The following EFNA5 variants were observed in gnomAD, a reference collection of about 807,000 sequenced individuals.
EFNA5 encodes ephrin A5.
EFNA5 carries 5 observed loss-of-function variants against 22.9 expected under a neutral mutation model. The observed-to-expected ratio is 0.22, with a 90% CI of 0.11 to 0.46. The LOEUF (loss-of-function observed/expected upper bound fraction) is 0.46. EFNA5 is among the 20% of genes least tolerant of loss of function. EFNA5 has a pLI of 0.99. For synonymous variants in EFNA5, 113 were observed against 112.2 expected (o/e 1.01, Z -0.04); for missense variants, 237 against 293.3 (o/e 0.81, Z 1.40).
chr5:107,570,470 A>G (rs1748777550), intron 1 of EFNA5, among the ~76,000 whole-genome samples: 1 of 152,218 alleles, frequency 6.6e-6, no homozygotes, highest in Admixed American at 6.5e-5. Context: ...CCTTTCATGT[A>G]ATCATCTTAA....
intron 1 of EFNA5, among the ~76,000 whole-genome samples, chr5:107,616,451 T>C (rs1193396800): frequency 6.6e-6 from 1 of 152,206 alleles, no homozygotes; most frequent in African/African-American, 2.4e-5. Flanking sequence ...TTGAAAAATT[T>C]CTGCAGATAA....
At chr5:107,557,744 AAAAT>A (rs1748455384) in intron 1 of EFNA5, among the ~76,000 whole-genome samples, 1 of 152,242 alleles carries the variant, frequency 6.6e-6, no homozygotes, top group South Asian at 2.1e-4. Context: ...CTTTAGAGAC[AAAAT>A]AGCTTGTATA....
intron 1 of EFNA5, among the ~76,000 whole-genome samples, chr5:107,447,074 C>G (rs1030384359): frequency 6.6e-6 from 1 of 152,194 alleles, no homozygotes; most frequent in Non-Finnish European, 1.5e-5. Flanking sequence ...CCCATTAATA[C>G]CTGTCACCCA....
rs111393828 is a variant in EFNA5 at position 107,405,288 on chromosome 5, G to A, written c.419-17517C>T. Among the ~76,000 whole-genome samples, 22 of 152,284 alleles carry A rather than the reference G, an allele frequency of 1.4e-4. 2 individuals carry two copies. The highest frequency in any genetic ancestry group is 3.9e-4 in the East Asian group (2 of 5,178). On this transcript the variant is annotated intron_variant, in intron 2 of 4. Coordinates refer to ENST00000333274, the MANE Select transcript of EFNA5 (RefSeq NM_001962.3). Reference sequence around the variant, plus strand: ...AAACTAGCTGATGATGCTGTGCCACGAGAACCAAAAGGAACATACAAATCA... The same window carrying A: ...AAACTAGCTGATGATGCTGTGCCACAAGAACCAAAAGGAACATACAAATCA...
intron 1 of EFNA5, among the ~76,000 whole-genome samples, chr5:107,461,416 A>G (rs1580466872): frequency 6.6e-6 from 1 of 152,124 alleles, no homozygotes; most frequent in Non-Finnish European, 1.5e-5. Flanking sequence ...TCAAGCCCCA[A>G]ACAGCATCTT....
rs1259679637 is a variant in EFNA5 at position 107,405,894 on chromosome 5, ATGTATT to A, written c.419-18129_419-18124del. On this transcript the variant is annotated intron_variant, in intron 2 of 4. Transcript: ENST00000333274. The stretch of plus-strand genomic sequence containing the variant: ...ATACATATATTTGTATACATATTCT[ATGTATT>A]TATATACATAGAATGTATACAAATA... Among the ~76,000 whole-genome samples, 94 of 148,600 alleles carry A rather than the reference ATGTATT, an allele frequency of 6.3e-4. 3 individuals are homozygous for A. The South Asian group carries it at 0.02, about 31-fold the overall frequency.
intron 1 of EFNA5, among the ~76,000 whole-genome samples, chr5:107,495,280 C>A (rs754869815): frequency 6.6e-6 from 1 of 152,172 alleles, no homozygotes; most frequent in Non-Finnish European, 1.5e-5. Context: ...CCGGGAGGAA[C>A]GAACAACTCC....
intron 1 of EFNA5, among the ~76,000 whole-genome samples, chr5:107,450,798 G>T (rs546608526): frequency 6.6e-6 from 1 of 152,304 alleles, no homozygotes; most frequent in Admixed American, 6.5e-5. Flanking sequence ...AACCAATGAG[G>T]ATATGAGAGT....
intron 1 of EFNA5, among the ~76,000 whole-genome samples, chr5:107,550,595 C>T (rs1748273845): frequency 6.6e-6 from 1 of 152,168 alleles, no homozygotes; most frequent in Non-Finnish European, 1.5e-5. Context: ...CTTAATAAGG[C>T]AGTTATAATT....
chr5:107,490,669 C>T (rs1408911771), intron 1 of EFNA5, among the ~76,000 whole-genome samples: 2 of 152,112 alleles, frequency 1.3e-5, no homozygotes, highest in African/African-American at 4.8e-5. Context: ...GAACATTAAC[C>T]GCTGACTTAT....
chr5:107,660,277 T>TATATATATATATATATAA (rs1750920463), intron 1 of EFNA5, among the ~76,000 whole-genome samples: 1 of 39,538 alleles, frequency 2.5e-5, no homozygotes, highest in Non-Finnish European at 4.9e-5. Flanking sequence ...TATATATATA[T>TATATATATATATATATAA]ATATATATAT....
rs566375666 is a variant in EFNA5, at chr5:107,436,361, A to C, written c.126-8852T>G. 3.9e-5 allele frequency among the ~76,000 whole-genome samples: 6 copies of C among 152,336 alleles called. No homozygotes were observed. The South Asian group carries it at 8.3e-4, about 21-fold the overall frequency. ...ACAGTCTAATTGCTTCTAAGCCCCC[A>C]AAGAGGCCTCGGGCATGGAGTAAGA... On this transcript the variant is annotated intron_variant, in intron 1 of 4. Transcript: ENST00000333274.
intron 1 of EFNA5, among the ~76,000 whole-genome samples, chr5:107,476,057 T>TATATATATATGTATATATATATA: frequency 4.0e-5 from 4 of 100,396 alleles, no homozygotes; most frequent in Non-Finnish European, 5.6e-5. Flanking sequence ...TATATATATA[T>TATATATATATGTATATATATATA]TTTTTTTTTT....
chr5:107,493,581 A>C (rs956728802), intron 1 of EFNA5, among the ~76,000 whole-genome samples: 1 of 152,210 alleles, frequency 6.6e-6, no homozygotes, highest in African/African-American at 2.4e-5. Flanking sequence ...ACTCTGGAAA[A>C]CCGAAGTCTT....
chr5:107,652,781 G>C (rs967689870), intron 1 of EFNA5, among the ~76,000 whole-genome samples: 1 of 151,980 alleles, frequency 6.6e-6, no homozygotes, highest in African/African-American at 2.4e-5. Flanking sequence ...TCAGCCAGCT[G>C]TTTGTTTGGG....
intron 1 of EFNA5, among the ~76,000 whole-genome samples, chr5:107,560,515 A>T (rs1748512612): frequency 6.6e-6 from 1 of 152,156 alleles, no homozygotes; most frequent in African/African-American, 2.4e-5. Flanking sequence ...CCTTCTTTCC[A>T]TTGAACTACT....
intron 1 of EFNA5, among the ~76,000 whole-genome samples, chr5:107,580,912 G>A (rs745875641): frequency 6.6e-6 from 1 of 152,108 alleles, no homozygotes; most frequent in Non-Finnish European, 1.5e-5. Context: ...AAATCAGCAT[G>A]TTCCAAAAAA....
At chr5:107,432,447 T>C (rs1054926318) in intron 1 of EFNA5, among the ~76,000 whole-genome samples, 2 of 152,186 alleles carry the variant, frequency 1.3e-5, no homozygotes, top group Middle Eastern at 3.2e-3. Context: ...TTATGTCTTA[T>C]CCTTAATTCC....
At chr5:107,414,718 T>C (rs370720712) in intron 2 of EFNA5, among the ~76,000 whole-genome samples, 155 of 152,290 alleles carry the variant, frequency 1.0e-3, no homozygotes, top group African/African-American at 3.7e-3. Context: ...TATACTTTAA[T>C]AATAAACTAA....
Sources: gnomAD v4.1 joint callset for allele counts (sites outside exome capture counted in the v4.1 genomes callset) on GRCh38, gnomAD v4.1.1 for gene constraint, MANE v1.5 for transcripts, NCBI Gene and HGNC (gene_info 2026-07-23, HGNC 2026-07-21) for gene names.